The following PLEKHG5 variants were observed in gnomAD, a reference collection of about 807,000 sequenced individuals.
PLEKHG5 encodes the protein pleckstrin homology domain-containing family G member 5.
Under a neutral mutation model 103.8 loss-of-function variants are expected in PLEKHG5, and 52 were observed. The ratio of observed to expected loss-of-function variants is 0.50; its 90% CI spans 0.40 to 0.63. The LOEUF (loss-of-function observed/expected upper bound fraction) is 0.63. Ranked by LOEUF, PLEKHG5 falls within the 30% of genes least tolerant of loss-of-function variation. PLEKHG5 has a pLI of 0.00. For synonymous variants in PLEKHG5, 592 were observed against 575.5 expected (o/e 1.03, Z -0.41); for missense variants, 1,205 against 1,347.6 (o/e 0.89, Z 1.66).
rs773041440 is a variant in PLEKHG5 at position 6,496,693 on chromosome 1, G to A, written c.-177C>T. The A allele has an allele frequency of 1.2e-5, 8 of 657,844 alleles. No homozygotes were observed. In the East Asian group the frequency reaches 2.3e-4, roughly 19 times the overall value. The allele number at this position is 657,844 out of a possible 1,614,324, so 40.8% of individuals were successfully genotyped here. On this transcript the variant is annotated 5_prime_UTR_variant, in exon 1 of 21. Transcript: ENST00000377732. The stretch of plus-strand genomic sequence containing the variant: ...AGTCCTCCCTTCAAAAGAGGTCAGC[G>A]TCCCTTTCTCTTTTAAATGCCAACT...
rs1289695543 is a variant in PLEKHG5, at chr1:6,505,130, T to C, written c.-164-8561A>G. Among the ~76,000 whole-genome samples the C allele has an allele frequency of 6.6e-6, 1 of 152,080 alleles. No individual in the cohort carries two copies. Among genetic ancestry groups the C allele is most frequent in the East Asian group, 1.9e-4 (1 of 5,186 alleles). The stretch of plus-strand genomic sequence containing the variant: ...AGGCCCAGGCCCCGGCCCCAGACAG[T>C]TCCACAGTGCTGGGAGCTGGAGATC... On this transcript the variant is annotated intron_variant, in intron 1 of 21. Coordinates refer to the PLEKHG5 transcript ENST00000377740. This position sits in a 1 kb window ranked among gnomAD's most constrained non-coding sequence, Gnocchi z 4.2.
In PLEKHG5 at chr1:6,490,217, C is replaced by T. The variant is rs1407799022; in HGVS notation, c.-88+1420G>A. On this transcript the variant is annotated intron_variant, in intron 1 of 20. Transcript: ENST00000377728. The surrounding 1 kb of genome is among the most constrained non-coding windows in gnomAD (Gnocchi z 8.0). Reference sequence around the variant, plus strand: ...AGGGTCCCATAGACTCCTCACGGCCCTATCTCCGAGCCGACCCACCCTAGA... The same window carrying T: ...AGGGTCCCATAGACTCCTCACGGCCTTATCTCCGAGCCGACCCACCCTAGA... Among the ~76,000 whole-genome samples, 1 of 152,152 alleles carries T rather than the reference C, an allele frequency of 6.6e-6. No homozygotes were observed. The highest frequency in any genetic ancestry group is 2.4e-5 in the African/African-American group (1 of 41,430).
chr1:6,475,267 A>AACCCTCCTCCCCACCCTCCTTCCC, intron 4 of PLEKHG5, 129 bp from the exon 5 acceptor site: 5 of 480,342 alleles, frequency 1.0e-5, no homozygotes, highest in Admixed American at 8.5e-5. Context: ...CCTCCTTCCC[A>AACCCTCCTCCCCACCCTCCTTCCC]ACCCTCCTCC....
intron 1 of PLEKHG5, among the ~76,000 whole-genome samples, chr1:6,510,502 A>G (rs72861560): frequency 0.26 from 39,715 of 152,000 alleles, 5,780 homozygotes; most frequent in East Asian, 0.6. Flanking sequence ...GAGGCAGAGA[A>G]TTGCTTTAAC....
intron 6 of PLEKHG5, 76 bp downstream of exon 6, chr1:6,474,375 G>A: frequency 6.4e-7 from 1 of 1,566,534 alleles, no homozygotes; most frequent in Non-Finnish European, 8.7e-7. Context: ...ATGGGAACCT[G>A]AGCCTGGGAA....
upstream of PLEKHG5, among the ~76,000 whole-genome samples, chr1:6,491,865 T>C (rs1385932255): frequency 2.0e-5 from 3 of 152,350 alleles, no homozygotes; most frequent in Non-Finnish European, 2.9e-5. The surrounding 1 kb of genome is among the most constrained non-coding windows in gnomAD (Gnocchi z 4.1). Flanking sequence ...TGTCTAGTGA[T>C]GGGGTGCTCA....
At chr1:6,489,283 C>T (rs548929806) in intron 1 of PLEKHG5, among the ~76,000 whole-genome samples, 2 of 152,214 alleles carry the variant, frequency 1.3e-5, no homozygotes, top group Non-Finnish European at 2.9e-5. Flanking sequence ...CTCTACGCTC[C>T]ACCCGGCCTA....
At chr1:6,496,381 C>A, upstream of PLEKHG5, 1 of 789,940 alleles carries the variant, frequency 1.3e-6, no homozygotes, top group Non-Finnish European at 2.1e-6. Flanking sequence ...CCCAGCCCAG[C>A]CAGCCGCGCC....
chr1:6,512,147 G>A (rs1455432344), intron 1 of PLEKHG5, among the ~76,000 whole-genome samples: 1 of 152,142 alleles, frequency 6.6e-6, no homozygotes, highest in Non-Finnish European at 1.5e-5. Flanking sequence ...GGCTCGGGAC[G>A]CCTGGAGACC....
At chr1:6,476,168 G>C (rs1479483269) in intron 2 of PLEKHG5, 132 bp from the exon 3 acceptor site, 2 of 750,606 alleles carry the variant, frequency 2.7e-6, no homozygotes, top group Non-Finnish European at 4.6e-6. Context: ...CTTCAGTTCT[G>C]TGAGGAGAGG....
chr1:6,510,725 CCA>C, intron 1 of PLEKHG5, among the ~76,000 whole-genome samples: 1 of 152,298 alleles, frequency 6.6e-6, no homozygotes, highest in South Asian at 2.1e-4. Flanking sequence ...AGCAGTGGGC[CCA>C]GTGTCAGCAC....
At chr1:6,472,401 T>G in intron 10 of PLEKHG5, 126 bp downstream of exon 10, 1 of 757,144 alleles carries the variant, frequency 1.3e-6, no homozygotes, top group East Asian at 2.7e-5. Context: ...GCAGCCCTTG[T>G]CTGACTTTCC....
intron 4 of PLEKHG5, 116 bp from the exon 5 acceptor site, chr1:6,475,254 C>CA (rs1173329694): frequency 1.0e-5 from 7 of 676,024 alleles, no homozygotes; most frequent in African/African-American, 3.9e-5. Flanking sequence ...CCCTCCTTCC[C>CA]ACCCTCCTTC....
chr1:6,490,619 G>C lies in PLEKHG5; in HGVS notation c.-88+1018C>G. Reference sequence around the variant, plus strand: ...TAGGGGAATTACGGTAGCCGCGCGGGCGCTACCACCTGGACCGGCCGGGAT... The same window carrying C: ...TAGGGGAATTACGGTAGCCGCGCGGCCGCTACCACCTGGACCGGCCGGGAT... On this transcript the variant is annotated intron_variant, in intron 1 of 20. Transcript: ENST00000377728. The surrounding 1 kb of genome is among the most constrained non-coding windows in gnomAD (Gnocchi z 8.0). The C allele has an allele frequency of 2.6e-5, 26 of 985,218 alleles. No homozygotes were observed. Among genetic ancestry groups the C allele is most frequent in the Non-Finnish European group, 3.1e-5 (26 of 829,742 alleles). 61.0% of individuals were successfully genotyped at this position (985,218 alleles called of 1,614,324 possible). A position where few individuals can be genotyped will look rare whatever the true frequency, so the allele number is the denominator to read the frequency against.
chr1:6,496,389 G>T, upstream of PLEKHG5: 1 of 868,992 alleles, frequency 1.2e-6, no homozygotes, highest in Non-Finnish European at 1.8e-6. Context: ...AGCCAGCCGC[G>T]CCCGTGCCAG....
Position 6,467,296 on chromosome 1 carries a change from G to C in PLEKHG5, c.*267C>G. 1.7e-6 allele frequency: 1 copy of C among 601,502 alleles called. No homozygotes were observed. The highest frequency in any genetic ancestry group is 3.0e-6 in the Non-Finnish European group (1 of 329,970). The allele number at this position is 601,502 out of a possible 1,614,324, so 37.3% of individuals were successfully genotyped here. A position where few individuals can be genotyped will look rare whatever the true frequency, so the allele number is the denominator to read the frequency against. The stretch of plus-strand genomic sequence containing the variant: ...GTAGGATGGGCAGCCTAGGAGCCCA[G>C]CCCTGAAGACTCGAGCTGAGCTGGT... On this transcript the variant is annotated 3_prime_UTR_variant, in exon 21 of 21. Transcript: ENST00000377728.
At chr1:6,502,723 C>T (rs1645309072) in intron 1 of PLEKHG5, among the ~76,000 whole-genome samples, 1 of 152,344 alleles carries the variant, frequency 6.6e-6, no homozygotes, top group Admixed American at 6.5e-5. Flanking sequence ...GCGCCAGTCC[C>T]ACCCCCATCA....
At chr1:6,483,870 G>A (rs1266556812) in intron 1 of PLEKHG5, among the ~76,000 whole-genome samples, 1 of 152,206 alleles carries the variant, frequency 6.6e-6, no homozygotes, top group South Asian at 2.1e-4. Flanking sequence ...GGAGCCCCCC[G>A]TCTGCGGGCT....
rs1208070762 is a variant in PLEKHG5 at position 6,505,258 on chromosome 1, G to C, written c.-164-8689C>G. On this transcript the variant is annotated intron_variant, in intron 1 of 21. Transcript: ENST00000377740. The surrounding 1 kb of genome is among the most constrained non-coding windows in gnomAD (Gnocchi z 4.2). ...AGCCCACAGTGCCGGTCAGCCCACT[G>C]TGCCGACCAGCCTACAGTACCGACC... Among the ~76,000 whole-genome samples the C allele has an allele frequency of 6.6e-6, 1 of 152,022 alleles. No individual in the cohort carries two copies. The highest frequency in any genetic ancestry group is 1.5e-5 in the Non-Finnish European group (1 of 67,994).
Sources: gnomAD v4.1 joint callset for allele counts (sites outside exome capture counted in the v4.1 genomes callset) on GRCh38, gnomAD v4.1.1 for gene constraint, Gnocchi (gnomAD v3.1) non-coding constraint, MANE v1.5 for transcripts, NCBI Gene and HGNC (gene_info 2026-07-23, HGNC 2026-07-21) for gene names.